Variants in TFPI observed in about 807,000 individuals in gnomAD.
TFPI encodes anti-convertin.
TFPI carries 15 observed loss-of-function variants against 34.6 expected under a neutral mutation model. That is an observed-to-expected ratio of 0.43 (90% CI 0.29 to 0.67). The LOEUF (loss-of-function observed/expected upper bound fraction) is 0.67. TFPI is among the 30% of genes least tolerant of loss of function. TFPI has a pLI of 0.15. For synonymous variants in TFPI, 105 were observed against 120.1 expected, an observed-to-expected ratio of 0.87 and a Z score of 0.82; for missense variants, 301 against 364.0, an observed-to-expected ratio of 0.83 and a Z score of 1.41.
chr2:187,537,121 G>A (rs529537324), intron 1 of TFPI, among the ~76,000 whole-genome samples: 94 of 152,212 alleles, frequency 6.2e-4, no homozygotes, highest in Non-Finnish European at 1.1e-3. Context: ...TCATGCTCAT[G>A]GATAAGAAAA....
At chr2:187,550,019 A>G (rs745775106) in intron 1 of TFPI, among the ~76,000 whole-genome samples, 1 of 152,076 alleles carries the variant, frequency 6.6e-6, no homozygotes, top group Non-Finnish European at 1.5e-5. Flanking sequence ...TTTAGTTTCT[A>G]TATGAAAGCT....
chr2:187,521,739 T>G (rs1471460238), intron 1 of TFPI, among the ~76,000 whole-genome samples: 1 of 151,934 alleles, frequency 6.6e-6, no homozygotes, highest in African/African-American at 2.4e-5. Context: ...TGGCTAATTT[T>G]TGTATTTTTA....
intron 1 of TFPI, among the ~76,000 whole-genome samples, chr2:187,534,174 A>G (rs1688122343): frequency 6.6e-6 from 1 of 152,202 alleles, no homozygotes; most frequent in Admixed American, 6.5e-5. Flanking sequence ...AACTTCCCCA[A>G]CCTAGCAAGA....
chr2:187,550,194 C>T (rs1242734210), intron 1 of TFPI, among the ~76,000 whole-genome samples: 1 of 152,042 alleles, frequency 6.6e-6, no homozygotes, highest in African/African-American at 2.4e-5. Context: ...TAGGCTTCAG[C>T]TCAATATTGA....
intron 6 of TFPI, among the ~76,000 whole-genome samples, chr2:187,471,888 A>G (rs1692058328): frequency 6.6e-6 from 1 of 152,034 alleles, no homozygotes; most frequent in African/African-American, 2.4e-5. Context: ...ACTAGGTTTT[A>G]AGAAATATCT....
chr2:187,518,974 C>G (rs1559139713), intron 1 of TFPI: 2 of 152,152 alleles, frequency 1.3e-5, no homozygotes, highest in Non-Finnish European at 2.9e-5. Context: ...AGTTCTCATG[C>G]TGTGTTTTTT....
chr2:187,523,541 C>T (rs1213731936), intron 1 of TFPI, among the ~76,000 whole-genome samples: 1 of 152,094 alleles, frequency 6.6e-6, no homozygotes, highest in Non-Finnish European at 1.5e-5. Context: ...ATTTTCTTGT[C>T]ACAGTCTGCA....
intron 1 of TFPI, among the ~76,000 whole-genome samples, chr2:187,551,816 A>G (rs568260676): frequency 4.1e-4 from 63 of 152,236 alleles, no homozygotes; most frequent in African/African-American, 1.5e-3. Context: ...CTTTGACACT[A>G]ATGCATGAAA....
chr2:187,500,096 C>T (rs1006959502), intron 2 of TFPI, among the ~76,000 whole-genome samples: 4 of 152,142 alleles, frequency 2.6e-5, no homozygotes, highest in African/African-American at 9.6e-5. Context: ...ATATAATCAC[C>T]TCTAGTTCAA....
chr2:187,511,489 G>T (rs888844826), intron 1 of TFPI, among the ~76,000 whole-genome samples: 8 of 152,160 alleles, frequency 5.3e-5, no homozygotes, highest in African/African-American at 1.9e-4. Context: ...AGGAAGCATG[G>T]GTCAGGCACA....
At chr2:187,535,545 A>G (rs1688203523) in intron 1 of TFPI, among the ~76,000 whole-genome samples, 1 of 152,254 alleles carries the variant, frequency 6.6e-6, no homozygotes, top group Admixed American at 6.5e-5. Context: ...ATGAGAATAA[A>G]GACACAACAT....
chr2:187,486,021 T>G (rs779428231), intron 4 of TFPI, among the ~76,000 whole-genome samples: 1 of 151,686 alleles, frequency 6.6e-6, no homozygotes, highest in Non-Finnish European at 1.5e-5. Flanking sequence ...GTTGCAGATC[T>G]GCAAAAGAAC....
intron 1 of TFPI, among the ~76,000 whole-genome samples, chr2:187,511,011 G>A (rs528551074): frequency 6.6e-6 from 1 of 152,328 alleles, no homozygotes; most frequent in South Asian, 2.1e-4. Context: ...AGCCCCTTAG[G>A]CAGCTTAGGC....
In TFPI at chr2:187,484,866, G is replaced by T. The variant is rs765869652; in HGVS notation, c.480C>A (p.Gly160=). 24 of 1,593,694 alleles carry T rather than the reference G, an allele frequency of 1.5e-5. 1 individual carries two copies. In the South Asian group the frequency reaches 2.5e-4, roughly 16 times the overall value. Residue 160 remains glycine, a synonymous_variant, in exon 5 of 8, where the codon GGC becomes GGA. Coordinates refer to ENST00000233156, the MANE Select transcript of TFPI (RefSeq NM_006287.6). ...CCAGTGTCTCAAAATTGTTCATATT[G>T]CCCAGGCATCCACCATACTTGAAAC... The part of the protein sequence containing the change: ...CERFKYGGCL[G]NMNNFETLEE...
At chr2:187,551,660 A>G (rs908471523) in intron 1 of TFPI, among the ~76,000 whole-genome samples, 5 of 152,142 alleles carry the variant, frequency 3.3e-5, no homozygotes, top group African/African-American at 1.2e-4. Context: ...AACTTGCTGG[A>G]AACACTTGAA....
intron 1 of TFPI, among the ~76,000 whole-genome samples, chr2:187,536,688 CCT>C (rs1334933193): frequency 1.3e-5 from 2 of 152,114 alleles, no homozygotes; most frequent in Non-Finnish European, 2.9e-5. Flanking sequence ...ACAAGGATGC[CCT>C]CTCTCACCAC....
intron 1 of TFPI, among the ~76,000 whole-genome samples, chr2:187,536,977 C>T (rs1344066612): frequency 6.6e-6 from 1 of 152,156 alleles, no homozygotes; most frequent in Non-Finnish European, 1.5e-5. Context: ...AGTGAACTCC[C>T]ATTCACAGTT....
intron 1 of TFPI, among the ~76,000 whole-genome samples, chr2:187,522,142 T>C: frequency 6.6e-6 from 1 of 152,110 alleles, no homozygotes; most frequent in East Asian, 1.9e-4. Flanking sequence ...GACTTGAAAA[T>C]ATGTTCTCTC....
intron 2 of TFPI, 129 bp from the exon 3 acceptor site, chr2:187,497,207 A>G: frequency 1.2e-6 from 1 of 833,508 alleles, no homozygotes; most frequent in Non-Finnish European, 1.8e-6. Flanking sequence ...AACTATAAAA[A>G]GTTATTCAGT....
Sources: gnomAD v4.1 joint callset for allele counts (sites outside exome capture counted in the v4.1 genomes callset) on GRCh38, gnomAD v4.1.1 for gene constraint, MANE v1.5 for transcripts, NCBI Gene and HGNC (gene_info 2026-07-23, HGNC 2026-07-21) for gene names.